SLC60A2: variants seen among roughly 807,000 people sequenced by gnomAD.
SLC60A2 encodes the protein solute carrier family 60 member 2, also known as major facilitator superfamily domain containing 4B.
At chr6:111,267,138 T>G in the SLC60A2 span, 1 of 1,572,902 alleles carries the variant, frequency 6.4e-7, no homozygotes, top group Non-Finnish European at 8.6e-7. Flanking sequence ...GATTACTCAC[T>G]GACATCTTTG....
the SLC60A2 span, chr6:111,259,387 C>G: frequency 6.0e-3 from 2,220 of 371,786 alleles, 10 homozygotes; most frequent in Non-Finnish European, 8.5e-3. Flanking sequence ...GCCGAAGTTC[C>G]TCTTCTCTGC....
the SLC60A2 span, chr6:111,266,451 A>G: frequency 4.3e-6 from 7 of 1,614,224 alleles, 1 homozygote; most frequent in South Asian, 1.1e-5. Context: ...GCCTGGAACC[A>G]TGATTGTGTT....
the SLC60A2 span, chr6:111,271,312 GAA>G: frequency 6.6e-6 from 1 of 150,810 alleles, no homozygotes; most frequent in Non-Finnish European, 1.5e-5. Context: ...ATTTTTAAAA[GAA>G]AAATCTTTTG....
the SLC60A2 span, chr6:111,270,711 G>T: frequency 1.1e-4 from 17 of 152,442 alleles, no homozygotes; most frequent in African/African-American, 4.1e-4. Flanking sequence ...CGGGCGTGGT[G>T]GCGGGTGCCT....
At chr6:111,263,300 A>G in the SLC60A2 span, among the ~76,000 whole-genome samples, 4 of 152,196 alleles carry the variant, frequency 2.6e-5, no homozygotes, top group Admixed American at 1.3e-4. Context: ...TAATATGATA[A>G]AATTGTTTTG....
At chr6:111,265,430 A>C in the SLC60A2 span, 3 of 978,368 alleles carry the variant, frequency 3.1e-6, no homozygotes, top group Non-Finnish European at 3.6e-6. Flanking sequence ...CATCTGTTAC[A>C]TACATAAGTA....
chr6:111,279,265 C>CTTTT, the SLC60A2 span, among the ~76,000 whole-genome samples: 1 of 135,640 alleles, frequency 7.4e-6, no homozygotes, highest in Non-Finnish European at 1.6e-5. Flanking sequence ...TTCTTTCTTT[C>CTTTT]TTTTTTTTTT....
the SLC60A2 span, chr6:111,271,075 CCTA>C: frequency 1.4e-5 from 2 of 143,186 alleles, no homozygotes; most frequent in African/African-American, 5.2e-5. Context: ...GTGCCTTTAA[CCTA>C]CTGAAATGCA....
chr6:111,275,242 G>A, the SLC60A2 span, among the ~76,000 whole-genome samples: 5 of 151,884 alleles, frequency 3.3e-5, no homozygotes, highest in African/African-American at 9.7e-5. Flanking sequence ...TTATGTCTTC[G>A]TTTGCTTTGA....
chr6:111,261,216 A>T, the SLC60A2 span, among the ~76,000 whole-genome samples: 17 of 152,342 alleles, frequency 1.1e-4, no homozygotes, highest in South Asian at 3.1e-3. Flanking sequence ...TAAATTGTTT[A>T]TCTCCTGTAT....
chr6:111,265,037 G>C, the SLC60A2 span, among the ~76,000 whole-genome samples: 1 of 152,134 alleles, frequency 6.6e-6, no homozygotes, highest in East Asian at 1.9e-4. Context: ...AGGTTGCAGA[G>C]AGCCACGATT....
At chr6:111,272,509 A>ATT in the SLC60A2 span, among the ~76,000 whole-genome samples, 130 of 114,696 alleles carry the variant, frequency 1.1e-3, 1 homozygote, top group African/African-American at 3.9e-3. Context: ...TTCTAACTGT[A>ATT]TTTTTTTTTT....
chr6:111,275,223 A>G, the SLC60A2 span, among the ~76,000 whole-genome samples: 6 of 152,028 alleles, frequency 3.9e-5, no homozygotes, highest in Admixed American at 3.9e-4. Flanking sequence ...CTATTCTTAT[A>G]TATTGCTTTT....
the SLC60A2 span, among the ~76,000 whole-genome samples, chr6:111,279,889 A>G: frequency 6.6e-6 from 1 of 152,172 alleles, no homozygotes; most frequent in Non-Finnish European, 1.5e-5. Flanking sequence ...GCAGTGAGCC[A>G]TGATCACACC....
chr6:111,264,918 A>G, the SLC60A2 span, among the ~76,000 whole-genome samples: 1 of 151,940 alleles, frequency 6.6e-6, no homozygotes, highest in East Asian at 1.9e-4. Flanking sequence ...ATATGGAGAA[A>G]CCGCGTCTCT....
chr6:111,272,269 C>T, the SLC60A2 span, among the ~76,000 whole-genome samples: 2 of 152,128 alleles, frequency 1.3e-5, no homozygotes, highest in East Asian at 3.9e-4. Context: ...TCCCAAAGTG[C>T]TGGGATTACA....
the SLC60A2 span, among the ~76,000 whole-genome samples, chr6:111,261,851 C>G: frequency 1.6e-4 from 24 of 152,264 alleles, no homozygotes; most frequent in Middle Eastern, 6.8e-3. Flanking sequence ...TTCGGCCTCC[C>G]AAAGTGCTGA....
the SLC60A2 span, chr6:111,278,387 A>T: frequency 6.6e-6 from 1 of 152,090 alleles, no homozygotes; most frequent in South Asian, 2.1e-4. Context: ...CAGTTAGATG[A>T]CCCTATCATT....
the SLC60A2 span, chr6:111,265,515 AT>A: frequency 3.2e-6 from 1 of 308,898 alleles, no homozygotes; most frequent in Non-Finnish European, 4.7e-6. Flanking sequence ...TGATGATAAA[AT>A]TTTGCCTTTT....
Sources: allele counts gnomAD v4.1 joint callset (sites outside exome capture counted in the v4.1 genomes callset), GRCh38; gene constraint gnomAD v4.1.1; transcripts MANE v1.5; gene names NCBI Gene and HGNC (gene_info 2026-07-23, HGNC 2026-07-21).